Variants in INTS10 observed in about 807,000 individuals in gnomAD.
INTS10 encodes integrator complex subunit 10, also known as chromosome 8 open reading frame 35.
In INTS10, 44 loss-of-function variants were observed where a neutral mutation model predicts 94.4. The ratio of observed to expected loss-of-function variants is 0.47; its 90% confidence interval spans 0.37 to 0.60. INTS10 has a LOEUF of 0.60. Among genes scored for constraint, INTS10 ranks in the 20% least tolerant of loss-of-function variants. The pLI is 0.00. For synonymous variants in INTS10, 341 were observed against 320.7 expected, an observed-to-expected ratio of 1.06 and a Z score of -0.68; for missense variants, 797 against 868.7, an observed-to-expected ratio of 0.92 and a Z score of 1.04.
At chr8:19,840,507 C>CAA (rs1359517667) in intron 13 of INTS10, among the ~76,000 whole-genome samples, 2 of 152,056 alleles carry the variant, frequency 1.3e-5, no homozygotes, top group African/African-American at 4.8e-5. Context: ...TAAAAAGACA[C>CAA]AATTAAGTGA....
chr8:19,836,809 T>A lies in INTS10; in HGVS notation c.1531-243T>A, dbSNP rs1039906994. ...TTAATGCTTGGTTAATTTTTAAGTTTTGTTTTTTTAATAGCAAAGAATGGA... is the reference window on the plus strand; with the variant it reads ...TTAATGCTTGGTTAATTTTTAAGTTATGTTTTTTTAATAGCAAAGAATGGA... On this transcript the variant is annotated intron_variant, in intron 12 of 16. Coordinates refer to ENST00000397977, the MANE Select transcript of INTS10 (RefSeq NM_018142.4). Among the ~76,000 whole-genome samples the A allele has an allele frequency of 3.3e-5, 5 of 152,352 alleles. No individual in the cohort carries two copies. In the East Asian group the frequency reaches 9.6e-4, roughly 29 times the overall value.
In INTS10 at chr8:19,823,988, T is replaced by G. The variant is rs373548938; in HGVS notation, c.780T>G (p.Phe260Leu). 4.3e-6 allele frequency: 7 copies of G among 1,613,570 alleles called. No homozygotes were observed. Among genetic ancestry groups the G allele is most frequent in the Non-Finnish European group, 5.9e-6 (7 of 1,179,774 alleles). ...SQIVDPWERL[F>L]KILNVVGMRC... Reference sequence around the variant, plus strand: ...TCGTGGACCCTTGGGAGAGGTTGTTTAAGATTTTGAATGTTGTTGGAATGA... The same window carrying G: ...TCGTGGACCCTTGGGAGAGGTTGTTGAAGATTTTGAATGTTGTTGGAATGA... Residue 260 changes from phenylalanine to leucine, a missense_variant, in exon 7 of 17, where the codon TTT becomes TTG. Phe to Leu is a conservative substitution (Grantham distance 22). This residue lies in a region of INTS10 where 734 missense variants were observed against 787.8 expected (regional missense o/e 0.93). Coordinates refer to ENST00000397977, the MANE Select transcript of INTS10 (RefSeq NM_018142.4).
At chr8:19,818,624 G>T in intron 2 of INTS10, 2 of 427,880 alleles carry the variant, frequency 4.7e-6, no homozygotes, top group South Asian at 5.1e-5. Flanking sequence ...AACACTACTT[G>T]TTATAGAGAA....
At chr8:19,834,843 G>T (rs961499606) in intron 12 of INTS10, among the ~76,000 whole-genome samples, 2 of 152,140 alleles carry the variant, frequency 1.3e-5, no homozygotes, top group African/African-American at 4.8e-5. Context: ...CTGGAGGCTG[G>T]GAAGTCCAAG....
chr8:19,840,158 G>A (rs1166390004), intron 13 of INTS10, among the ~76,000 whole-genome samples: 2 of 146,060 alleles, frequency 1.4e-5, no homozygotes, highest in African/African-American at 2.5e-5. Flanking sequence ...ATTAGAAAAT[G>A]AATTTTTTAA....
At chr8:19,824,606 T>A (rs2066647904) in intron 7 of INTS10, 197 bp from the exon 8 acceptor site, 1 of 496,406 alleles carries the variant, frequency 2.0e-6, no homozygotes, top group African/African-American at 2.0e-5. Flanking sequence ...CTACTTAGCA[T>A]GTTTGTGTCA....
In INTS10 at chr8:19,849,243, C is replaced by G; in HGVS notation, c.1977-2406C>G. 7.8e-7 allele frequency: 1 copy of G among 1,285,990 alleles called. No homozygotes were observed. The highest frequency in any genetic ancestry group is 1.0e-6 in the Non-Finnish European group (1 of 985,530). 79.7% of individuals were successfully genotyped at this position (1,285,990 alleles called of 1,614,324 possible). The stretch of plus-strand genomic sequence containing the variant: ...CCAGCATACAGACTGCTGACAGGTA[C>G]CAAGTGGAATCAACGCCCGCTCATA... On this transcript the variant is annotated intron_variant, in intron 16 of 16. Transcript: ENST00000397977. This position sits in a 1 kb window ranked among gnomAD's most constrained non-coding sequence, Gnocchi z 4.6.
intron 9 of INTS10, among the ~76,000 whole-genome samples, chr8:19,829,690 A>G (rs185315662): frequency 2.6e-5 from 4 of 152,276 alleles, no homozygotes; most frequent in Non-Finnish European, 4.4e-5. Flanking sequence ...TGTTGTTGAG[A>G]CAGAGTCTTG....
chr8:19,851,993 G>A lies in INTS10; in HGVS notation c.*188G>A. 2 of 422,702 alleles carry A rather than the reference G, an allele frequency of 4.7e-6. No individual in the cohort carries two copies. Among genetic ancestry groups the A allele is most frequent in the Non-Finnish European group, 8.3e-6 (2 of 240,438 alleles). The allele number at this position is 422,702 out of a possible 1,614,324, so 26.2% of individuals were successfully genotyped here. A position where few individuals can be genotyped will look rare whatever the true frequency, so the allele number is the denominator to read the frequency against. ...TCTGAGAAGCTATTTCTATTTTTAAGAGTCATTTTTTGTAATTTTTGTAAA... is the reference window on the plus strand; with the variant it reads ...TCTGAGAAGCTATTTCTATTTTTAAAAGTCATTTTTTGTAATTTTTGTAAA... On this transcript the variant is annotated 3_prime_UTR_variant, in exon 17 of 17. Coordinates refer to ENST00000397977, the MANE Select transcript of INTS10 (RefSeq NM_018142.4). This position sits in a 1 kb window ranked among gnomAD's most constrained non-coding sequence, Gnocchi z 5.0.
intron 12 of INTS10, among the ~76,000 whole-genome samples, chr8:19,834,218 A>G (rs576698564): frequency 6.6e-4 from 100 of 152,274 alleles, no homozygotes; most frequent in African/African-American, 2.4e-3. Context: ...GTATAAACTC[A>G]AGGCCACAGC....
chr8:19,836,835 T>G (rs1434991078), intron 12 of INTS10, among the ~76,000 whole-genome samples: 1 of 152,208 alleles, frequency 6.6e-6, no homozygotes, highest in Non-Finnish European at 1.5e-5. Flanking sequence ...AAAGAATGGA[T>G]TAGTGTTCCC....
intron 16 of INTS10, 22 bp downstream of exon 16, chr8:19,845,819 C>G: frequency 6.5e-7 from 1 of 1,531,136 alleles, no homozygotes; most frequent in Non-Finnish European, 9.1e-7. Flanking sequence ...CTCTTTTGCT[C>G]TTCCATGCTG....
intron 8 of INTS10, among the ~76,000 whole-genome samples, chr8:19,825,227 A>G (rs1326150742): frequency 6.6e-6 from 1 of 152,194 alleles, no homozygotes; most frequent in African/African-American, 2.4e-5. Context: ...AAATGCCACT[A>G]TTTTGAAAAT....
chr8:19,820,570 A>G (rs2066294071), intron 4 of INTS10, 52 bp downstream of exon 4: 1 of 1,519,608 alleles, frequency 6.6e-7, no homozygotes, highest in Non-Finnish European at 9.0e-7. Context: ...TGGGTCATCA[A>G]CAGATTCATC....
intron 10 of INTS10, 72 bp downstream of exon 10, chr8:19,830,631 T>G: frequency 7.1e-7 from 1 of 1,400,336 alleles, no homozygotes; most frequent in Non-Finnish European, 9.9e-7. Flanking sequence ...AAATGTCAGG[T>G]CACTTACGGC....
chr8:19,822,353 A>G, intron 4 of INTS10, 86 bp from the exon 5 acceptor site: 1 of 704,990 alleles, frequency 1.4e-6, no homozygotes, highest in Non-Finnish European at 2.5e-6. Context: ...AAACTGTGAT[A>G]AGTAAAAAAA....
intron 2 of INTS10, among the ~76,000 whole-genome samples, chr8:19,819,325 T>C (rs1183599529): frequency 6.6e-6 from 1 of 152,262 alleles, no homozygotes; most frequent in Non-Finnish European, 1.5e-5. Context: ...TTGTTGACTT[T>C]TAGAAGCTCT....
At chr8:19,832,218 C>T in intron 11 of INTS10, 108 bp downstream of exon 11, 1 of 695,022 alleles carries the variant, frequency 1.4e-6, no homozygotes, top group Non-Finnish European at 2.7e-6. Flanking sequence ...GGCTAGTCCA[C>T]TGCCTCCTGA....
chr8:19,848,136 T>C (rs1042831010), intron 16 of INTS10, among the ~76,000 whole-genome samples: 7 of 152,254 alleles, frequency 4.6e-5, no homozygotes, highest in African/African-American at 1.7e-4. Context: ...TGAGGAATGG[T>C]TGGAATCTTT....
Sources: allele counts gnomAD v4.1 joint callset (sites outside exome capture counted in the v4.1 genomes callset), GRCh38; gene constraint gnomAD v4.1.1; regional missense constraint gnomAD v4.1.1; non-coding constraint Gnocchi (gnomAD v3.1); transcripts MANE v1.5; gene names NCBI Gene and HGNC (gene_info 2026-07-23, HGNC 2026-07-21).